The following KDM2B variants were observed in gnomAD, a reference collection of about 807,000 sequenced individuals.
The protein encoded by KDM2B is lysine demethylase 2B.
Under a neutral mutation model 150.0 loss-of-function variants are expected in KDM2B, and 26 were observed. That is an observed-to-expected ratio of 0.17 (90% CI 0.13 to 0.24). The LOEUF is 0.24. KDM2B is among the 10% of genes least tolerant of loss of function. The pLI, the probability that KDM2B is intolerant of heterozygous loss-of-function variation, is 1.00. For missense variants in KDM2B, 1,265 were observed against 1,816.9 expected, an observed-to-expected ratio of 0.70 and a Z score of 5.52; for synonymous variants, 734 against 729.5, an observed-to-expected ratio of 1.01 and a Z score of -0.10.
At chr12:121,508,874 C>T (rs1320650649) in intron 11 of KDM2B, among the ~76,000 whole-genome samples, 1 of 152,204 alleles carries the variant, frequency 6.6e-6, no homozygotes, top group Non-Finnish European at 1.5e-5. Context: ...GAAACTGATT[C>T]GTGCTCCAAC....
At chr12:121,564,596 A>T (rs1890566971) in intron 4 of KDM2B, among the ~76,000 whole-genome samples, 1 of 152,200 alleles carries the variant, frequency 6.6e-6, no homozygotes, top group South Asian at 2.1e-4. Context: ...CTAGGAATAA[A>T]CCTAAGAAGA....
At chr12:121,546,379 CTTTTT>C (rs371614406) in intron 6 of KDM2B, among the ~76,000 whole-genome samples, 1 of 97,486 alleles carries the variant, frequency 1.0e-5, no homozygotes, top group African/African-American at 4.2e-5. Context: ...TTTTTTTTGC[CTTTTT>C]TTTTTTTTTT....
In KDM2B at chr12:121,467,496, G is replaced by A; in HGVS notation, c.1735-14152C>T. The A allele has an allele frequency of 3.5e-6, 1 of 282,698 alleles. No individual in the cohort carries two copies. Among genetic ancestry groups the A allele is most frequent in the Non-Finnish European group, 5.3e-6 (1 of 190,038 alleles). The allele number at this position is 282,698 out of a possible 1,614,324, so 17.5% of individuals were successfully genotyped here. On this transcript the variant is annotated intron_variant, in intron 12 of 22. Transcript: ENST00000377071. This position sits in a 1 kb window ranked among gnomAD's most constrained non-coding sequence, Gnocchi z 5.1. ...GGCCAATGGCGCGGCCGCGGCGCTG[G>A]GGCCGCACACAAAGGGAGCCCGGCC...
chr12:121,550,073 G>C (rs1889367102), intron 4 of KDM2B, among the ~76,000 whole-genome samples: 1 of 152,132 alleles, frequency 6.6e-6, no homozygotes, highest in African/African-American at 2.4e-5. Flanking sequence ...ACTTTGGGAG[G>C]CCGAGGAGGG....
intron 8 of KDM2B, among the ~76,000 whole-genome samples, chr12:121,526,253 T>C (rs1279725770): frequency 6.6e-6 from 1 of 152,034 alleles, no homozygotes; most frequent in Non-Finnish European, 1.5e-5. Context: ...CTCAGGAGGC[T>C]GAGGCAGGAG....
intron 12 of KDM2B, among the ~76,000 whole-genome samples, chr12:121,456,534 A>G (rs1023768622): frequency 6.6e-6 from 1 of 152,170 alleles, no homozygotes; most frequent in Non-Finnish European, 1.5e-5. Context: ...GGACAAAACC[A>G]GATCCCCGGA....
intron 6 of KDM2B, 80 bp downstream of exon 6, chr12:121,548,797 G>A: frequency 9.7e-7 from 1 of 1,031,742 alleles, no homozygotes; most frequent in Non-Finnish European, 1.5e-6. Flanking sequence ...TGATGGCCAG[G>A]AGCCTCCTTC....
chr12:121,505,116 CAAAAAA>C (rs781886793), intron 11 of KDM2B, among the ~76,000 whole-genome samples: 3 of 79,516 alleles, frequency 3.8e-5, no homozygotes, highest in African/African-American at 1.5e-4. Flanking sequence ...GACTCTGTCT[CAAAAAA>C]AAAAAAAAAA....
rs1880174896 is a variant in KDM2B at position 121,467,335 on chromosome 12, G to A, written c.1735-13991C>T. 4 of 981,514 alleles carry A rather than the reference G, an allele frequency of 4.1e-6. No individual in the cohort carries two copies. The highest frequency in any genetic ancestry group is 3.6e-6 in the Non-Finnish European group (3 of 828,270). The allele number at this position is 981,514 out of a possible 1,614,324, so 60.8% of individuals were successfully genotyped here. A position where few individuals can be genotyped will look rare whatever the true frequency, so the allele number is the denominator to read the frequency against. ...TCGGGCTCGGGCTCGGGCTCCCGCT[G>A]CCGCGAGGAGGGAGCCGCGCCGCGC... On this transcript the variant is annotated intron_variant, in intron 12 of 22. Transcript: ENST00000377071. The surrounding 1 kb of genome is among the most constrained non-coding windows in gnomAD (Gnocchi z 5.1).
At chr12:121,427,423 T>C (rs1409940585), downstream of KDM2B, among the ~76,000 whole-genome samples, 1 of 152,094 alleles carries the variant, frequency 6.6e-6, no homozygotes, top group African/African-American at 2.4e-5. Flanking sequence ...GCACCTGTAG[T>C]CCCAACTACT....
At chr12:121,470,009 A>G (rs1880587900) in intron 12 of KDM2B, 1 of 151,702 alleles carries the variant, frequency 6.6e-6, no homozygotes, top group Admixed American at 6.6e-5. Flanking sequence ...AGGCACAAGA[A>G]TCACTTGAAC....
rs549724040 is a variant in KDM2B at position 121,442,907 on chromosome 12, C to A, written c.2605-71G>T. The A allele has an allele frequency of 5.7e-6, 9 of 1,568,236 alleles. No homozygotes were observed. The highest frequency in any genetic ancestry group is 2.7e-5 in the African/African-American group (2 of 73,172). ...GCGCCCGCCCAAGGCCTCCCGCCCC[C>A]CTGCCACGGGACTGTGGCCCAGGGA... On this transcript the variant is annotated intron_variant, in intron 18 of 22. Coordinates refer to ENST00000377071, the MANE Select transcript of KDM2B (RefSeq NM_032590.5). The surrounding 1 kb of genome is among the most constrained non-coding windows in gnomAD (Gnocchi z 7.7).
chr12:121,581,123 A>G (rs1891941990), upstream of KDM2B: 3 of 544,570 alleles, frequency 5.5e-6, no homozygotes, highest in South Asian at 3.5e-5. Context: ...CTCCTTTACT[A>G]GGCGACCAGC....
At chr12:121,428,866 A>G, downstream of KDM2B, among the ~76,000 whole-genome samples, 1 of 152,220 alleles carries the variant, frequency 6.6e-6, no homozygotes, top group East Asian at 1.9e-4. Flanking sequence ...CTTTTAGGCA[A>G]TGGTAATGGC....
rs993789142 is a variant in KDM2B, at chr12:121,537,509, C to T, written c.684-2919G>A. On this transcript the variant is annotated intron_variant, in intron 6 of 22. Transcript: ENST00000377071. The surrounding 1 kb of genome is among the most constrained non-coding windows in gnomAD (Gnocchi z 8.7). ...TTGGCGGCAGATCATCGGGAGCCCC[C>T]GAACCGAGCCCTTGGGGGTTCCCGC... 6.6e-6 allele frequency: 1 copy of T among 152,226 alleles called. No homozygotes were observed. The highest frequency in any genetic ancestry group is 6.5e-5 in the Admixed American group (1 of 15,290). The allele number at this position is 152,226 out of a possible 1,614,324, so 9.4% of individuals were successfully genotyped here.
In KDM2B at chr12:121,443,045, A is replaced by C. The variant is rs1875443058; in HGVS notation, c.2566-15T>G. 1 of 1,609,938 alleles carries C rather than the reference A, an allele frequency of 6.2e-7. No individual in the cohort carries two copies. Among genetic ancestry groups the C allele is most frequent in the African/African-American group, 1.3e-5 (1 of 74,500 alleles). On this transcript the variant is annotated splice_polypyrimidine_tract_variant and intron_variant, in intron 17 of 22. Transcript: ENST00000377071. Reference sequence around the variant, plus strand: ...CCAGGTTTGAGCTGTCACGAAAAAGAAAGGACGCAGAGCTTGCTCCCCGGG... The same window carrying C: ...CCAGGTTTGAGCTGTCACGAAAAAGCAAGGACGCAGAGCTTGCTCCCCGGG...
At position 121,533,133 on chromosome 12, in the gene KDM2B, G is replaced by C. The variant is rs1235806138; in HGVS notation, c.778-174C>G. On this transcript the variant is annotated intron_variant, in intron 7 of 22. Transcript: ENST00000377071. The surrounding 1 kb of genome is among the most constrained non-coding windows in gnomAD (Gnocchi z 4.1). ...GACTCTCTGCAAGGCCAGGTCCCTA[G>C]AGCCTCTGGGGAGGCAGGAAGGGCT... Among the ~76,000 whole-genome samples the C allele has an allele frequency of 6.6e-6, 1 of 152,168 alleles. No individual in the cohort carries two copies. Among genetic ancestry groups the C allele is most frequent in the African/African-American group, 2.4e-5 (1 of 41,444 alleles).
rs1555288646 is a variant in KDM2B at position 121,442,418 on chromosome 12, A to G, written c.3023T>C (p.Leu1008Pro). The G allele has an allele frequency of 6.3e-7, 1 of 1,597,958 alleles. No individual in the cohort carries two copies. Among genetic ancestry groups the G allele is most frequent in the East Asian group, 2.2e-5 (1 of 44,568 alleles). Residue 1008 changes from leucine to proline, a missense_variant, in exon 19 of 23, where the codon CTG (leucine) becomes CCG (proline). Transcript: ENST00000377071. The surrounding 1 kb of genome is among the most constrained non-coding windows in gnomAD (Gnocchi z 7.7). ...SKGLNGTPRE[L>P]RHQLGPSLRS... ...CAGGCTGGGCCCCAGCTGGTGCCGC[A>G]GCTCCCGGGGGGTGCCGTTGAGCCC...
At chr12:121,517,472 C>A (rs1594026465) in intron 9 of KDM2B, among the ~76,000 whole-genome samples, 1 of 142,194 alleles carries the variant, frequency 7.0e-6, no homozygotes, top group African/African-American at 2.6e-5. Flanking sequence ...TTTTTCTTTT[C>A]TTTTTTTTTT....
Sources: gnomAD v4.1 joint callset for allele counts (sites outside exome capture counted in the v4.1 genomes callset) on GRCh38, gnomAD v4.1.1 for gene constraint, Gnocchi (gnomAD v3.1) non-coding constraint, MANE v1.5 for transcripts, NCBI Gene and HGNC (gene_info 2026-07-23, HGNC 2026-07-21) for gene names.